The following HELZ variants were observed in gnomAD, a reference collection of about 807,000 sequenced individuals.
HELZ encodes the protein helicase with zinc finger.
Under a neutral mutation model 218.2 loss-of-function variants are expected in HELZ, and 23 were observed. The ratio of observed to expected loss-of-function variants is 0.11; its 90% CI spans 0.08 to 0.15. The LOEUF (loss-of-function observed/expected upper bound fraction) is 0.15, where lower values mean the gene tolerates loss of function less well. Among genes scored for constraint, HELZ ranks in the 10% least tolerant of loss-of-function variants. The pLI, the probability that HELZ is intolerant of heterozygous loss-of-function variation, is 1.00. For missense variants in HELZ, 1,813 were observed against 2,353.7 expected (o/e 0.77, Z 4.75); for synonymous variants, 814 against 829.4 (o/e 0.98, Z 0.32).
intron 31 of HELZ, among the ~76,000 whole-genome samples, chr17:67,095,343 G>T (rs2036710501): frequency 6.6e-6 from 1 of 151,906 alleles, no homozygotes; most frequent in African/African-American, 2.4e-5. Context: ...GTCCAGCCTG[G>T]GTAACATAGT....
chr17:67,183,597 TC>T (rs981892258), intron 12 of HELZ, among the ~76,000 whole-genome samples: 5 of 152,288 alleles, frequency 3.3e-5, no homozygotes, highest in South Asian at 4.1e-4. Context: ...CATATTTAAC[TC>T]CAAGAGTTCA....
chr17:67,167,074 T>C (rs1302197023), intron 14 of HELZ, among the ~76,000 whole-genome samples: 2 of 152,146 alleles, frequency 1.3e-5, no homozygotes, highest in Non-Finnish European at 2.9e-5. Context: ...GAGAAAAGAT[T>C]AGTCTTCCAG....
chr17:67,109,410 T>C lies in HELZ; in HGVS notation c.4195A>G (p.Asn1399Asp). 6.2e-7 allele frequency: 1 copy of C among 1,614,152 alleles called. No homozygotes were observed. Among genetic ancestry groups the C allele is most frequent in the Non-Finnish European group, 8.5e-7 (1 of 1,180,036 alleles). ...EQPNQIPPQP[N>D]QVVQQQSQLN... ...TGACTTTGCTGCTGGACTACCTGAT[T>C]TGGCTGAGGTGGTATCTGATTTGGT... is the stretch of plus-strand genomic sequence containing the variant. Residue 1399 changes from asparagine to aspartate, a missense_variant, in exon 29 of 33, where the codon AAT becomes GAT. Physicochemically the swap from Asn to Asp is conservative, Grantham distance 23 (BLOSUM62 1). Around this residue, in one of 4 missense-constraint regions of HELZ, gnomAD observed 938 missense variants for 1,027.5 expected, o/e 0.91. Transcript: ENST00000358691.
chr17:67,198,223 C>T (rs994954055), intron 7 of HELZ, among the ~76,000 whole-genome samples: 1 of 152,126 alleles, frequency 6.6e-6, no homozygotes, highest in African/African-American at 2.4e-5. Flanking sequence ...ATGTTTTGGT[C>T]ATAAAATAAA....
intron 12 of HELZ, among the ~76,000 whole-genome samples, chr17:67,182,310 T>C (rs2039636032): frequency 6.6e-6 from 1 of 152,012 alleles, no homozygotes; most frequent in South Asian, 2.1e-4. Flanking sequence ...CCGGGTATGA[T>C]AGCTCGTGCC....
chr17:67,138,268 C>G (rs976727875), intron 21 of HELZ, among the ~76,000 whole-genome samples, 154 bp from the exon 22 acceptor site: 7 of 150,908 alleles, frequency 4.6e-5, no homozygotes, highest in African/African-American at 1.7e-4. Context: ...TAATGCTTTG[C>G]TGATGTGAAC....
intron 5 of HELZ, among the ~76,000 whole-genome samples, chr17:67,207,233 T>C (rs966297898): frequency 3.6e-5 from 5 of 140,792 alleles, no homozygotes; most frequent in Non-Finnish European, 6.2e-5. Flanking sequence ...TTTTTTTTTT[T>C]TTTTTGAGAT....
chr17:67,127,635 C>T (rs2037840820), intron 24 of HELZ, among the ~76,000 whole-genome samples: 1 of 152,128 alleles, frequency 6.6e-6, no homozygotes, highest in African/African-American at 2.4e-5. Context: ...ATCACCTGAG[C>T]CCCGGAGTTT....
At position 67,188,434 on chromosome 17, in the gene HELZ, G is replaced by A. The variant is rs888452305; in HGVS notation, c.1047C>T (p.Val349=). 6.2e-6 allele frequency: 10 copies of A among 1,613,710 alleles called. No homozygotes were observed. The highest frequency in any genetic ancestry group is 1.1e-5 in the South Asian group (1 of 91,054). ...QNGLDHYVYK[V]GIAFNTEIFG... The stretch of plus-strand genomic sequence containing the variant: ...ATATTTCTGTGTTAAATGCTATCCC[G>A]ACTTTATACACGTAATGATCTAATC... Residue 349 remains valine (V), a synonymous_variant, in exon 12 of 33, where the codon GTC becomes GTT. Coordinates refer to ENST00000358691, the MANE Select transcript of HELZ (RefSeq NM_014877.4). The surrounding 1 kb of genome is among the most constrained non-coding windows in gnomAD (Gnocchi z 4.1).
chr17:67,084,658 G>A (rs1245646007), intron 32 of HELZ, among the ~76,000 whole-genome samples: 46 of 32,494 alleles, frequency 1.4e-3, no homozygotes, highest in Admixed American at 1.2e-3. Flanking sequence ...GCGAGACTCC[G>A]TCTCAAAAAA....
At position 67,108,105 on chromosome 17, in the gene HELZ, C is replaced by T. The variant is rs2037163727; in HGVS notation, c.4724+387G>A. On this transcript the variant is annotated intron_variant, in intron 30 of 32. Coordinates refer to ENST00000358691, the MANE Select transcript of HELZ (RefSeq NM_014877.4). The surrounding 1 kb of genome is among the most constrained non-coding windows in gnomAD (Gnocchi z 4.1). Reference sequence around the variant, plus strand: ...ATAGGAATGTAGAATTCTGTGCCACCATAAAAATAATTAATGATATAATTT... The same window carrying T: ...ATAGGAATGTAGAATTCTGTGCCACTATAAAAATAATTAATGATATAATTT... Among the ~76,000 whole-genome samples the T allele has an allele frequency of 6.6e-6, 1 of 152,134 alleles. No individual in the cohort carries two copies. Among genetic ancestry groups the T allele is most frequent in the South Asian group, 2.1e-4 (1 of 4,824 alleles).
chr17:67,120,170 A>G (rs932944742), intron 27 of HELZ, among the ~76,000 whole-genome samples: 1 of 150,978 alleles, frequency 6.6e-6, no homozygotes, highest in Admixed American at 6.6e-5. Flanking sequence ...TGCCCGGCTA[A>G]TTTTTTTGTA....
intron 13 of HELZ, among the ~76,000 whole-genome samples, chr17:67,173,809 A>G (rs2039377474): frequency 6.6e-6 from 1 of 152,084 alleles, no homozygotes; most frequent in African/African-American, 2.4e-5. Flanking sequence ...TGCACCCCAC[A>G]CTAGGCCTGT....
intron 9 of HELZ, among the ~76,000 whole-genome samples, chr17:67,192,060 G>A (rs1006844879): frequency 4.0e-5 from 6 of 151,796 alleles, no homozygotes; most frequent in East Asian, 2.0e-4. Context: ...AAAATTAGCC[G>A]GGGTGGTGGC....
intron 26 of HELZ, among the ~76,000 whole-genome samples, chr17:67,121,982 G>A (rs1323257721): frequency 1.3e-5 from 2 of 152,056 alleles, no homozygotes; most frequent in African/African-American, 2.4e-5. Flanking sequence ...CATTAGCTCC[G>A]TTAACTTTTA....
At chr17:67,102,586 T>C (rs1424934777) in intron 31 of HELZ, among the ~76,000 whole-genome samples, 2 of 152,218 alleles carry the variant, frequency 1.3e-5, no homozygotes, top group African/African-American at 4.8e-5. Flanking sequence ...CTTTTCTTTG[T>C]TGTTAACGTT....
chr17:67,101,989 G>C (rs1715197426), intron 31 of HELZ, among the ~76,000 whole-genome samples: 1 of 152,158 alleles, frequency 6.6e-6, no homozygotes, highest in Non-Finnish European at 1.5e-5. Context: ...CATCACACCT[G>C]TAAGGACCGG....
chr17:67,136,158 T>G lies in HELZ; in HGVS notation c.2994A>C (p.Thr998=). Residue 998 remains threonine (T), a synonymous_variant, in exon 23 of 33, where the codon ACA becomes ACC. Coordinates refer to ENST00000358691, the MANE Select transcript of HELZ (RefSeq NM_014877.4). ...FRVLFLSTVR[T]RHTCKHKQTP... ...TCTGTTTATGTTTACAAGTATGTCTTGTACGTACTGTGCTAAGAAACAAAA... is the reference window on the plus strand; with the variant it reads ...TCTGTTTATGTTTACAAGTATGTCTGGTACGTACTGTGCTAAGAAACAAAA... The G allele has an allele frequency of 1.2e-6, 2 of 1,613,976 alleles. No individual in the cohort carries two copies. Among genetic ancestry groups the G allele is most frequent in the Non-Finnish European group, 1.7e-6 (2 of 1,179,864 alleles).
intron 2 of HELZ, among the ~76,000 whole-genome samples, chr17:67,242,493 C>T (rs907405962): frequency 2.1e-5 from 3 of 143,742 alleles, no homozygotes; most frequent in Admixed American, 7.1e-5. Context: ...CATATATACA[C>T]ACATATCTAT....
Sources: gnomAD v4.1 joint callset for allele counts (sites outside exome capture counted in the v4.1 genomes callset) on GRCh38, gnomAD v4.1.1 for gene constraint, gnomAD v4.1.1 regional missense constraint, Gnocchi (gnomAD v3.1) non-coding constraint, MANE v1.5 for transcripts, NCBI Gene and HGNC (gene_info 2026-07-23, HGNC 2026-07-21) for gene names.